Variants in SEC24A observed in about 807,000 individuals in gnomAD.
SEC24A encodes the protein SEC24 homolog A, COPII component.
SEC24A carries 93 observed loss-of-function variants against 129.4 expected under a neutral mutation model. The observed-to-expected ratio is 0.72, with a 90% CI of 0.61 to 0.85. The LOEUF (loss-of-function observed/expected upper bound fraction) is 0.85, where lower values mean the gene tolerates loss of function less well. SEC24A is among the 40% of genes least tolerant of loss of function. The pLI, the probability that SEC24A is intolerant of heterozygous loss-of-function variation, is 0.00. For synonymous variants in SEC24A, 460 were observed against 467.3 expected (o/e 0.98, Z 0.20); for missense variants, 1,264 against 1,307.4 (o/e 0.97, Z 0.51).
chr5:134,710,225 T>G (rs907703936), intron 18 of SEC24A, among the ~76,000 whole-genome samples: 3 of 151,018 alleles, frequency 2.0e-5, no homozygotes, highest in Non-Finnish European at 2.9e-5. Context: ...TTTTTTTTTT[T>G]GTCTGAGACA....
chr5:134,651,016 C>A (rs913206829), intron 1 of SEC24A, among the ~76,000 whole-genome samples: 1 of 151,676 alleles, frequency 6.6e-6, no homozygotes, highest in Non-Finnish European at 1.5e-5. Flanking sequence ...CTCTAGTGAT[C>A]CACCCACCTT....
chr5:134,670,326 T>C (rs1750813617), intron 3 of SEC24A, among the ~76,000 whole-genome samples: 1 of 152,224 alleles, frequency 6.6e-6, no homozygotes, highest in Non-Finnish European at 1.5e-5. Flanking sequence ...ATGGCTAAAA[T>C]CATGTTGGTC....
chr5:134,648,386 C>T (rs1247476267), upstream of SEC24A: 1 of 152,214 alleles, frequency 6.6e-6, no homozygotes, highest in Admixed American at 6.6e-5. Context: ...CGCCCCAGCT[C>T]CCAGTGGTGG....
intron 20 of SEC24A, among the ~76,000 whole-genome samples, chr5:134,719,373 C>A (rs1270216711): frequency 6.9e-6 from 1 of 144,550 alleles, no homozygotes; most frequent in African/African-American, 2.6e-5. Flanking sequence ...CAAACTGATA[C>A]CTAGTCTCAA....
chr5:134,715,313 T>G, intron 19 of SEC24A, 152 bp downstream of exon 19: 1 of 671,612 alleles, frequency 1.5e-6, no homozygotes, highest in South Asian at 2.3e-5. Context: ...GTAAATAAAT[T>G]TTAGTATAGG....
intron 1 of SEC24A, among the ~76,000 whole-genome samples, chr5:134,655,405 C>T (rs774064597): frequency 6.6e-6 from 1 of 152,092 alleles, no homozygotes; most frequent in Non-Finnish European, 1.5e-5. Flanking sequence ...AATCCCAGCA[C>T]TTTGGGAGGT....
intron 19 of SEC24A, among the ~76,000 whole-genome samples, chr5:134,716,888 T>G (rs575367925): frequency 6.6e-6 from 1 of 151,644 alleles, no homozygotes; most frequent in South Asian, 2.1e-4. Flanking sequence ...TTACTTTTTT[T>G]TTTTTTTTGA....
chr5:134,678,563 G>A (rs1751148988), intron 7 of SEC24A, among the ~76,000 whole-genome samples: 1 of 150,786 alleles, frequency 6.6e-6, no homozygotes, highest in Non-Finnish European at 1.5e-5. Flanking sequence ...CCAAAGCACT[G>A]GGATATATAT....
intron 14 of SEC24A, 61 bp downstream of exon 14, chr5:134,697,307 G>C (rs1209416876): frequency 7.2e-7 from 1 of 1,387,618 alleles, no homozygotes; most frequent in African/African-American, 1.4e-5. Context: ...GTCCTTATAT[G>C]ATAGTGTTCT....
chr5:134,725,089 A>AAATG lies in SEC24A; in HGVS notation c.*6_*9dup, dbSNP rs1407846712. The AAATG allele has an allele frequency of 2.1e-6, 3 of 1,428,916 alleles. No homozygotes were observed. The African/African-American group carries it at 4.2e-5, about 20-fold the overall frequency. 88.5% of individuals were successfully genotyped at this position (1,428,916 alleles called of 1,614,324 possible). A position where few individuals can be genotyped will look rare whatever the true frequency, so the allele number is the denominator to read the frequency against. ...GTTGCATATACAGCAACAAGTGAAT[A>AAATG]AATGAATGAATGAAGAAATTTGACT... On this transcript the variant is annotated stop_gained and frameshift_variant, in exon 23 of 23. Transcript: ENST00000398844. LOFTEE classifies it high-confidence loss of function.
At position 134,675,156 on chromosome 5, in the gene SEC24A, C is replaced by T; in HGVS notation, c.1090C>T (p.Pro364Ser). ...LQERNMLPSTPLKPPVPNLHE... is the reference protein window; with the variant it reads ...LQERNMLPSTSLKPPVPNLHE... ...AGAAAGAAACATGCTTCCGTCAACA[C>T]CTTTGAAGCCTCCAGTTCCAAATTT... The change falls in exon 6 of 23, where the codon CCT becomes TCT. Residue 364 changes from proline to serine, a missense_variant. Coordinates refer to ENST00000398844, the MANE Select transcript of SEC24A (RefSeq NM_021982.3). 1.2e-6 allele frequency: 2 copies of T among 1,613,630 alleles called. No individual in the cohort carries two copies. Among genetic ancestry groups the T allele is most frequent in the East Asian group, 2.2e-5 (1 of 44,864 alleles).
chr5:134,670,692 A>G (rs897193986), intron 3 of SEC24A, among the ~76,000 whole-genome samples: 1 of 152,110 alleles, frequency 6.6e-6, no homozygotes, highest in African/African-American at 2.4e-5. Context: ...TCATTGTTAG[A>G]TATTTTGAAA....
At chr5:134,716,920 C>G (rs1037281707) in intron 19 of SEC24A, among the ~76,000 whole-genome samples, 2 of 147,306 alleles carry the variant, frequency 1.4e-5, no homozygotes, top group African/African-American at 5.0e-5. Flanking sequence ...GCACTTGTTG[C>G]CCAGGCTGGA....
chr5:134,669,438 T>C (rs1378769711), intron 3 of SEC24A, among the ~76,000 whole-genome samples: 2 of 151,944 alleles, frequency 1.3e-5, no homozygotes, highest in African/African-American at 4.8e-5. Context: ...AGTGCTGGCA[T>C]TACAGGCGTG....
At position 134,686,899 on chromosome 5, in the gene SEC24A, A is replaced by C. The variant is rs898081595; in HGVS notation, c.1601A>C (p.Asp534Ala). ...TGCCAGAGTTTGTTAGACAATCTGG[A>C]TTTGTAAGTTTCTCAATTCAGCTTA... ...SVCQSLLDNL[D>A]LLPGNTRTKI... The change falls in exon 10 of 23, where the codon GAT becomes GCT. Residue 534 changes from aspartate to alanine, a missense_variant. By Grantham distance (126) the Asp-to-Ala change is moderately radical. Coordinates refer to ENST00000398844, the MANE Select transcript of SEC24A (RefSeq NM_021982.3). 1 of 1,561,792 alleles carries C rather than the reference A, an allele frequency of 6.4e-7. No individual in the cohort carries two copies. The highest frequency in any genetic ancestry group is 8.8e-7 in the Non-Finnish European group (1 of 1,139,608).
intron 8 of SEC24A, 97 bp downstream of exon 8, chr5:134,679,825 A>G: frequency 1.0e-6 from 1 of 978,854 alleles, no homozygotes. Context: ...AAACCCTTTT[A>G]TTTACCTCTA....
rs563919905 is a variant in SEC24A at position 134,656,071 on chromosome 5, G to A, written c.98-5048G>A. Among the ~76,000 whole-genome samples, 8 of 145,432 alleles carry A rather than the reference G, an allele frequency of 5.5e-5. No individual in the cohort carries two copies. The South Asian group carries it at 1.5e-3, about 27-fold the overall frequency. On this transcript the variant is annotated intron_variant, in intron 1 of 22. Transcript: ENST00000398844. ...TAAGGTGAAATCTGTCACTTTGGCT[G>A]CAGCTAAATATCTTTTTTTTTTTTT...
At chr5:134,669,869 CTGGAACTACAGGTG>C (rs1750798222) in intron 3 of SEC24A, among the ~76,000 whole-genome samples, 7 of 152,054 alleles carry the variant, frequency 4.6e-5, no homozygotes, top group Admixed American at 4.6e-4. Context: ...GCCTCCTGGT[CTGGAACTACAGGTG>C]TGTACCACCA....
In SEC24A at chr5:134,693,859, C is replaced by T; in HGVS notation, c.1912C>T (p.Gln638Ter). 6.2e-7 allele frequency: 1 copy of T among 1,614,142 alleles called. No individual in the cohort carries two copies. Among genetic ancestry groups the T allele is most frequent in the Non-Finnish European group, 8.5e-7 (1 of 1,180,030 alleles). Residue 638 changes from glutamine (Q) to a stop codon, truncating the protein, a stop_gained, in exon 13 of 23, where the codon CAA (glutamine) becomes TAA (stop). Transcript: ENST00000398844. LOFTEE classifies it high-confidence loss of function. The stretch of plus-strand genomic sequence containing the variant: ...AACTGGTGGTCGAATGTCTGTCTTT[C>T]AAACACAACTCCCAACTCTTGGAGT... ...SPTGGRMSVF[Q>*]TQLPTLGVGA...
Sources: gnomAD v4.1 joint callset for allele counts (sites outside exome capture counted in the v4.1 genomes callset) on GRCh38, gnomAD v4.1.1 for gene constraint, MANE v1.5 for transcripts, NCBI Gene and HGNC (gene_info 2026-07-23, HGNC 2026-07-21) for gene names.